Variants in EIF2AK4 observed in about 807,000 individuals in gnomAD.
The protein encoded by EIF2AK4 is eukaryotic translation initiation factor 2 alpha kinase 4.
In EIF2AK4, 139 loss-of-function variants were observed where a neutral mutation model predicts 211.1. The observed-to-expected ratio is 0.66, with a 90% CI of 0.57 to 0.76. The LOEUF (loss-of-function observed/expected upper bound fraction) is 0.76. Ranked by LOEUF, EIF2AK4 falls within the 30% of genes least tolerant of loss-of-function variation. The probability of loss-of-function intolerance (pLI) is 0.00; values close to 1 mark genes in which losing one functional copy is unlikely to be tolerated. For missense variants in EIF2AK4, 1,664 were observed against 2,043.8 expected (o/e 0.81, Z 3.58); for synonymous variants, 710 against 751.3 (o/e 0.94, Z 0.90).
intron 13 of EIF2AK4, among the ~76,000 whole-genome samples, chr15:39,984,669 A>T (rs1374321847): frequency 6.6e-6 from 1 of 152,196 alleles, no homozygotes; most frequent in South Asian, 2.1e-4. Flanking sequence ...TTATTGGTGT[A>T]TAGGAATGTT....
chr15:40,001,243 G>A lies in EIF2AK4; in HGVS notation c.3159+19G>A, dbSNP rs183818562. 79 of 1,608,486 alleles carry A rather than the reference G, an allele frequency of 4.9e-5. No homozygotes were observed. The East Asian group carries it at 1.6e-3, about 33-fold the overall frequency. ...ACTGAAGGTGGGCTTAAGCCACGCT[G>A]CACAAAGGGAGCTTCACCTTGTCCA... On this transcript the variant is annotated intron_variant, in intron 21 of 38. Transcript: ENST00000263791.
chr15:39,997,436 T>C (rs2035032362), intron 19 of EIF2AK4, among the ~76,000 whole-genome samples: 1 of 152,170 alleles, frequency 6.6e-6, no homozygotes, highest in African/African-American at 2.4e-5. Context: ...AAATCTTACC[T>C]GGAGAAATTG....
chr15:39,945,558 G>A (rs1257698758), intron 3 of EIF2AK4, among the ~76,000 whole-genome samples: 1 of 152,236 alleles, frequency 6.6e-6, no homozygotes, highest in Non-Finnish European at 1.5e-5. Context: ...AGGTGAAGCA[G>A]CATGTGCTCA....
In EIF2AK4 at chr15:39,987,246, T is replaced by G. The variant is rs140105973; in HGVS notation, c.2404-737T>G. On this transcript the variant is annotated intron_variant, in intron 14 of 38. Transcript: ENST00000263791. ...TCCGACATGCATCAGGATCACGGTG[T>G]GGGCATCAGAGGGGGCCTTGTGAGG... Among the ~76,000 whole-genome samples the G allele has an allele frequency of 2.1e-3, 321 of 152,330 alleles. 2 individuals carry two copies. The highest frequency in any genetic ancestry group is 7.3e-3 in the African/African-American group (304 of 41,570).
chr15:40,032,618 G>T, intron 36 of EIF2AK4, 139 bp from the exon 37 acceptor site: 1 of 721,744 alleles, frequency 1.4e-6, no homozygotes. Context: ...TCACTGCACA[G>T]TTCATTAAGC....
In EIF2AK4 at chr15:40,030,352, G is replaced by T. The variant is rs760605183; in HGVS notation, c.4562-7G>T. The T allele has an allele frequency of 6.2e-7, 1 of 1,613,618 alleles. No homozygotes were observed. Among genetic ancestry groups the T allele is most frequent in the South Asian group, 1.1e-5 (1 of 90,952 alleles). ...GGCCATAAATTCTGAAACTCTCTTGGTCTCAGGTTTGTTTGAAATCCATGG... is the reference window on the plus strand; with the variant it reads ...GGCCATAAATTCTGAAACTCTCTTGTTCTCAGGTTTGTTTGAAATCCATGG... On this transcript the variant is annotated splice_polypyrimidine_tract_variant and splice_region_variant and intron_variant, in intron 34 of 38. Transcript: ENST00000263791.
rs1210519121 is a variant in EIF2AK4, at chr15:40,023,398, T to TG, written c.4389+795dup. ...GTAATGTTGGCCTGATGAAATGAGT[T>TG]GGAGAGTGTTCTCTCCTCTTCTGTT... On this transcript the variant is annotated intron_variant, in intron 32 of 38. Transcript: ENST00000263791. Among the ~76,000 whole-genome samples, 3 of 152,220 alleles carry TG rather than the reference T, an allele frequency of 2.0e-5. No homozygotes were observed. In the East Asian group the frequency reaches 5.8e-4, roughly 29 times the overall value.
At chr15:40,009,965 G>A (rs972894682) in intron 26 of EIF2AK4, among the ~76,000 whole-genome samples, 16 of 152,074 alleles carry the variant, frequency 1.1e-4, no homozygotes, top group South Asian at 2.1e-4. Flanking sequence ...AATAACCTCC[G>A]GGGTGTTTTT....
chr15:39,946,264 A>C (rs1482970014), intron 3 of EIF2AK4, among the ~76,000 whole-genome samples: 1 of 152,248 alleles, frequency 6.6e-6, no homozygotes, highest in East Asian at 1.9e-4. Flanking sequence ...GATTCATGGA[A>C]GGGGGTCAAA....
chr15:39,981,304 A>G (rs1360915226), intron 13 of EIF2AK4, among the ~76,000 whole-genome samples: 1 of 151,982 alleles, frequency 6.6e-6, no homozygotes, highest in African/African-American at 2.4e-5. Flanking sequence ...CAGGAGGCAG[A>G]GGTTACAGTG....
At chr15:39,960,923 T>A (rs9302104) in intron 6 of EIF2AK4, among the ~76,000 whole-genome samples, 46,199 of 152,020 alleles carry the variant, frequency 0.3, 7,112 homozygotes, top group African/African-American at 0.35. Flanking sequence ...AAAGTCAAAA[T>A]CATGCTGAGA....
At chr15:40,031,580 G>A (rs1043250225) in intron 35 of EIF2AK4, among the ~76,000 whole-genome samples, 5 of 152,012 alleles carry the variant, frequency 3.3e-5, no homozygotes, top group Admixed American at 6.6e-5. Context: ...GTTTCACTGC[G>A]CTACGCCTTT....
In EIF2AK4 at chr15:40,002,732, C is replaced by G. The variant is rs55781333; in HGVS notation, c.3179C>G (p.Thr1060Arg). 1 of 1,614,080 alleles carries G rather than the reference C, an allele frequency of 6.2e-7. No homozygotes were observed. Among genetic ancestry groups the G allele is most frequent in the Non-Finnish European group, 8.5e-7 (1 of 1,180,038 alleles). The change falls in exon 22 of 39, where the codon ACA becomes AGA. Residue 1060 changes from threonine (T) to arginine (R), a missense_variant. Thr to Arg is a moderately conservative substitution (Grantham distance 71). This residue lies in a region of EIF2AK4 where 622 missense variants were observed against 796.8 expected (regional missense o/e 0.78). Coordinates refer to ENST00000263791, the MANE Select transcript of EIF2AK4 (RefSeq NM_001013703.4). ...DILKGNFSIR[T>R]AKMQQHVCET... The stretch of plus-strand genomic sequence containing the variant: ...TTTTAGGGCAACTTCTCAATCCGTA[C>G]AGCCAAGATGCAGCAGCATGTGTGT...
At chr15:39,943,877 C>T (rs1187171346) in intron 3 of EIF2AK4, among the ~76,000 whole-genome samples, 1 of 152,022 alleles carries the variant, frequency 6.6e-6, no homozygotes, top group African/African-American at 2.4e-5. Context: ...ATTGCGTGAG[C>T]CCAGGAGTTT....
intron 4 of EIF2AK4, among the ~76,000 whole-genome samples, chr15:39,950,154 T>C (rs1452150233): frequency 6.6e-6 from 1 of 152,230 alleles, no homozygotes; most frequent in Non-Finnish European, 1.5e-5. Flanking sequence ...TAAATAATAA[T>C]TCTTGAAGTG....
At chr15:39,966,911 T>A (rs2034551931) in intron 8 of EIF2AK4, among the ~76,000 whole-genome samples, 1 of 152,228 alleles carries the variant, frequency 6.6e-6, no homozygotes, top group African/African-American at 2.4e-5. Context: ...ATGTGGCCAT[T>A]ATTCTGCTGC....
rs958537033 is a variant in EIF2AK4 at position 39,951,558 on chromosome 15, A to G, written c.513+2290A>G. ...ACAGATCTGTTTTAAAATCCTGAGCAATTTCTCTCACCAGATGCTGGAGGG... is the reference window on the plus strand; with the variant it reads ...ACAGATCTGTTTTAAAATCCTGAGCGATTTCTCTCACCAGATGCTGGAGGG... On this transcript the variant is annotated intron_variant, in intron 4 of 38. Coordinates refer to ENST00000263791, the MANE Select transcript of EIF2AK4 (RefSeq NM_001013703.4). 3.3e-5 allele frequency: 11 copies of G among 332,806 alleles called. No homozygotes were observed. In the Admixed American group the frequency reaches 4.5e-4, roughly 14 times the overall value. The allele number at this position is 332,806 out of a possible 1,614,324, so 20.6% of individuals were successfully genotyped here. A position where few individuals can be genotyped will look rare whatever the true frequency, so the allele number is the denominator to read the frequency against.
intron 7 of EIF2AK4, among the ~76,000 whole-genome samples, chr15:39,962,886 G>T (rs988032391): frequency 2.0e-5 from 3 of 152,148 alleles, no homozygotes; most frequent in Non-Finnish European, 2.9e-5. Flanking sequence ...AATTGGTATA[G>T]AAACCATTTG....
At chr15:39,949,758 C>G (rs2034281482) in intron 4 of EIF2AK4, among the ~76,000 whole-genome samples, 1 of 151,664 alleles carries the variant, frequency 6.6e-6, no homozygotes, top group African/African-American at 2.4e-5. Context: ...GATTAAATAC[C>G]ATTTGTATTT....
Sources: allele counts gnomAD v4.1 joint callset (sites outside exome capture counted in the v4.1 genomes callset), GRCh38; gene constraint gnomAD v4.1.1; regional missense constraint gnomAD v4.1.1; transcripts MANE v1.5; gene names NCBI Gene and HGNC (gene_info 2026-07-23, HGNC 2026-07-21).